Variants in PCSK6 observed in about 807,000 individuals in gnomAD.
The protein encoded by PCSK6 is proprotein convertase subtilisin/kexin type 6, also known as paired basic amino acid cleaving enzyme 4.
A neutral mutation model predicts 123.3 loss-of-function variants in PCSK6; 85 were observed. The ratio of observed to expected loss-of-function variants is 0.69; its 90% confidence interval spans 0.58 to 0.83. The LOEUF is 0.83. Ranked by LOEUF, PCSK6 falls within the 40% of genes least tolerant of loss-of-function variation. PCSK6 has a pLI of 0.00. For missense variants in PCSK6, 1,191 were observed against 1,282.3 expected, an observed-to-expected ratio of 0.93 and a Z score of 1.09; for synonymous variants, 508 against 516.0, an observed-to-expected ratio of 0.98 and a Z score of 0.21.
In PCSK6 at chr15:101,365,136, A is replaced by G. The variant is rs546721104; in HGVS notation, c.1858+1060T>C. ...TGGACCCCTACCTCACACCATATAC[A>G]AAAATAATTCAAAATGGATCAAAGT... On this transcript the variant is annotated intron_variant, in intron 13 of 21. Transcript: ENST00000611716. 304 of 576,524 alleles carry G rather than the reference A, an allele frequency of 5.3e-4. 1 individual carries two copies. The highest frequency in any genetic ancestry group is 8.0e-4 in the Middle Eastern group (3 of 3,728). 35.7% of individuals were successfully genotyped at this position (576,524 alleles called of 1,614,324 possible). A position where few individuals can be genotyped will look rare whatever the true frequency, so the allele number is the denominator to read the frequency against.
Position 101,489,581 on chromosome 15 carries a change from C to T in PCSK6, c.90G>A (p.Ala30=). The T allele has an allele frequency of 1.0e-6, 1 of 973,882 alleles. No individual in the cohort carries two copies. The highest frequency in any genetic ancestry group is 1.2e-6 in the Non-Finnish European group (1 of 824,254). The allele number at this position is 973,882 out of a possible 1,614,324, so 60.3% of individuals were successfully genotyped here. ...GCCCGCCGGCGCCCCCCGCGCCCCCCGCGCCCCCCGCGCCCGCGGCGGTGT... is the reference window on the plus strand; with the variant it reads ...GCCCGCCGGCGCCCCCCGCGCCCCCTGCGCCCCCCGCGCCCGCGGCGGTGT... The part of the protein sequence containing the change: ...ATDTAAGAGG[A]GGAGGAGGPG... The change falls in exon 1 of 22, where the codon GCG becomes GCA. Residue 30 remains alanine (A), a synonymous_variant. Transcript: ENST00000611716.
chr15:101,412,712 T>TATATATATATATATATATATATATATA (rs376981204), intron 6 of PCSK6, among the ~76,000 whole-genome samples: 1 of 136,366 alleles, frequency 7.3e-6, no homozygotes, highest in African/African-American at 3.1e-5. Context: ...TATATATATA[T>TATATATATATATATATATATATATATA]AAAATTACCC....
Position 101,429,987 on chromosome 15 carries a change from T to G in PCSK6, c.734A>C (p.Lys245Thr), listed in dbSNP as rs765309582. The G allele has an allele frequency of 6.2e-7, 1 of 1,612,514 alleles. No individual in the cohort carries two copies. Among genetic ancestry groups the G allele is most frequent in the Non-Finnish European group, 8.5e-7 (1 of 1,178,544 alleles). Reference protein sequence around the residue: ...SPRYDASNENKHGTRCAGEVA... With the variant: ...SPRYDASNENTHGTRCAGEVA... ...GGGGAGATGAGGCGAGGTGACGTACTTATTTTCATTGCTGGCATCATATCG... is the reference window on the plus strand; with the variant it reads ...GGGGAGATGAGGCGAGGTGACGTACGTATTTTCATTGCTGGCATCATATCG... Residue 245 changes from lysine (K) to threonine (T), a missense_variant and splice_region_variant, in exon 5 of 22, where the codon AAA becomes ACA. Physicochemically the swap from Lys to Thr is moderately conservative, Grantham distance 78. Around this residue, in one of 3 missense-constraint regions of PCSK6, gnomAD observed 357 missense variants for 484.5 expected, o/e 0.74. Transcript: ENST00000611716.
intron 6 of PCSK6, among the ~76,000 whole-genome samples, chr15:101,422,535 T>C (rs1039154515): frequency 2.0e-5 from 3 of 152,102 alleles, no homozygotes; most frequent in African/African-American, 7.2e-5. Flanking sequence ...TCCCTAAGGC[T>C]ATGCGAAAAT....
rs763383424 is a variant in PCSK6 at position 101,432,013 on chromosome 15, T to C, written c.490A>G (p.Ile164Val). The C allele has an allele frequency of 1.2e-6, 2 of 1,613,276 alleles. No individual in the cohort carries two copies. Among genetic ancestry groups the C allele is most frequent in the Admixed American group, 1.7e-5 (1 of 59,936 alleles). Residue 164 changes from isoleucine (I) to valine (V), a missense_variant, in exon 3 of 22, where the codon ATT (isoleucine) becomes GTT (valine). This residue lies in a region of PCSK6 where 357 missense variants were observed against 484.5 expected (regional missense o/e 0.74). Coordinates refer to ENST00000611716, the MANE Select transcript of PCSK6 (RefSeq NM_002570.5). ...ACCAGGTACCACATGTTGGACCAAA[T>C]GGGGTCGTTGAAGTAAAGGGCCTGC... ...DPQALYFNDP[I>V]WSNMWYLHCG...
chr15:101,435,946 T>G (rs1304723985), intron 2 of PCSK6, among the ~76,000 whole-genome samples: 1 of 152,236 alleles, frequency 6.6e-6, no homozygotes, highest in Admixed American at 6.5e-5. Context: ...ATGGGCAGCC[T>G]TGGCCCTGTC....
In PCSK6 at chr15:101,322,526, C is replaced by T; in HGVS notation, c.2459G>A (p.Gly820Glu). ...GGTTTCGAGGGGGTTTTACCTGAAT[C>T]CTTCTTTACAGACAGTACATTTCTC... Reference protein sequence around the residue: ...EPEKCTVCKEGFSLARGSCIP... With the variant: ...EPEKCTVCKEEFSLARGSCIP... The change falls in exon 18 of 22, where the codon GGA (glycine) becomes GAA (glutamate). Residue 820 changes from glycine (G) to glutamate (E), a missense_variant. Coordinates refer to ENST00000611716, the MANE Select transcript of PCSK6 (RefSeq NM_002570.5). 1 of 1,611,900 alleles carries T rather than the reference C, an allele frequency of 6.2e-7. No homozygotes were observed. The highest frequency in any genetic ancestry group is 8.5e-7 in the Non-Finnish European group (1 of 1,178,066).
chr15:101,331,588 T>C, intron 15 of PCSK6, 63 bp downstream of exon 15: 3 of 1,505,030 alleles, frequency 2.0e-6, no homozygotes, highest in Non-Finnish European at 2.8e-6. Flanking sequence ...TGGTTGGGCA[T>C]ATAGACCCTG....
chr15:101,328,588 G>C (rs538206020), intron 15 of PCSK6, among the ~76,000 whole-genome samples: 1 of 152,158 alleles, frequency 6.6e-6, no homozygotes, highest in Non-Finnish European at 1.5e-5. Context: ...CCCAGCTGCT[G>C]GTCCGGGTGT....
intron 1 of PCSK6, among the ~76,000 whole-genome samples, chr15:101,467,765 C>A (rs2057499483): frequency 6.6e-6 from 1 of 152,200 alleles, no homozygotes; most frequent in Non-Finnish European, 1.5e-5. Flanking sequence ...AAGCAAGTCT[C>A]AGAATACCCC....
intron 15 of PCSK6, among the ~76,000 whole-genome samples, chr15:101,330,067 CA>C (rs2040341806): frequency 6.6e-6 from 1 of 152,218 alleles, no homozygotes; most frequent in Non-Finnish European, 1.5e-5. Flanking sequence ...CCTCCACCTG[CA>C]CTTTGGCCAC....
rs144924937 is a variant in PCSK6 at position 101,462,469 on chromosome 15, G to A, written c.298-18809C>T. On this transcript the variant is annotated intron_variant, in intron 1 of 21. Coordinates refer to ENST00000611716, the MANE Select transcript of PCSK6 (RefSeq NM_002570.5). ...ATGAAACAACAAAGGGCCAAGAATA[G>A]CCTAAAACTCCTGAAAAAGAATAAG... Among the ~76,000 whole-genome samples the A allele has an allele frequency of 2.7e-3, 406 of 152,274 alleles. 1 individual carries two copies. The highest frequency in any genetic ancestry group is 9.0e-3 in the African/African-American group (375 of 41,554).
chr15:101,431,701 A>G (rs1049175107), intron 3 of PCSK6, among the ~76,000 whole-genome samples: 2 of 152,250 alleles, frequency 1.3e-5, no homozygotes, highest in Non-Finnish European at 2.9e-5. Context: ...GCCTCCCAGC[A>G]GGAGCTCTGT....
intron 13 of PCSK6, among the ~76,000 whole-genome samples, chr15:101,332,789 CG>C (rs1313946606): frequency 6.6e-6 from 1 of 152,198 alleles, no homozygotes; most frequent in African/African-American, 2.4e-5. Flanking sequence ...CCCGCCCCAC[CG>C]ACAGCTCCAC....
In PCSK6 at chr15:101,441,363, A is replaced by C. The variant is rs570102037; in HGVS notation, c.402+2193T>G. 8.7e-4 allele frequency among the ~76,000 whole-genome samples: 133 copies of C among 152,006 alleles called. 1 individual carries two copies. The highest frequency in any genetic ancestry group is 2.9e-3 in the African/African-American group (122 of 41,458). ...GGGTATGGTGGCCCTCAAGCCCCCC[A>C]CAGAGTCTGTCTCTGCTGCCTCAGC... On this transcript the variant is annotated intron_variant, in intron 2 of 21. Transcript: ENST00000611716.
rs549160549 is a variant in PCSK6 at position 101,334,043 on chromosome 15, A to G, written c.1859-2012T>C. 2.0e-5 allele frequency: 3 copies of G among 152,406 alleles called. No individual in the cohort carries two copies. In the East Asian group the frequency reaches 5.8e-4, roughly 29 times the overall value. The allele number at this position is 152,406 out of a possible 1,614,324, so 9.4% of individuals were successfully genotyped here. On this transcript the variant is annotated intron_variant, in intron 13 of 21. Coordinates refer to ENST00000611716, the MANE Select transcript of PCSK6 (RefSeq NM_002570.5). ...GAAGAGGTAAGCAAGGCCCTCCTAC[A>G]TGAAACAGCATCCCCAGCATAGCAT...
intron 13 of PCSK6, among the ~76,000 whole-genome samples, chr15:101,357,310 C>T (rs549303539): frequency 1.3e-5 from 2 of 152,322 alleles, no homozygotes; most frequent in South Asian, 4.1e-4. Flanking sequence ...AGTGGAAGAT[C>T]CTGCCCATTT....
At chr15:101,405,123 T>C (rs1270835836) in intron 6 of PCSK6, among the ~76,000 whole-genome samples, 5 of 152,172 alleles carry the variant, frequency 3.3e-5, no homozygotes, top group African/African-American at 1.2e-4. Context: ...ATATTTTCAG[T>C]AGAAGCCTGC....
chr15:101,318,236 G>T, intron 19 of PCSK6, 83 bp downstream of exon 19: 1 of 999,302 alleles, frequency 1.0e-6, no homozygotes, highest in Non-Finnish European at 1.5e-6. Context: ...AGCCCACGAA[G>T]TCCTAGGGCT....
Sources: allele counts gnomAD v4.1 joint callset (sites outside exome capture counted in the v4.1 genomes callset), GRCh38; gene constraint gnomAD v4.1.1; regional missense constraint gnomAD v4.1.1; transcripts MANE v1.5; gene names NCBI Gene and HGNC (gene_info 2026-07-23, HGNC 2026-07-21).